Variants in MYOM2 observed in about 807,000 individuals in gnomAD.
The protein encoded by MYOM2 is myomesin 2.
A neutral mutation model predicts 187.6 loss-of-function variants in MYOM2; 254 were observed. The observed-to-expected ratio is 1.35, with a 90% CI of 1.22 to 1.50. MYOM2 has a LOEUF of 1.50. Ranked by LOEUF, MYOM2 falls within the 40% of genes most tolerant of loss-of-function variation. The pLI is 0.00. For synonymous variants in MYOM2, 981 were observed against 753.8 expected, an observed-to-expected ratio of 1.30 and a Z score of -4.94; for missense variants, 2,796 against 1,924.0, an observed-to-expected ratio of 1.45 and a Z score of -8.48.
At chr8:2,054,148 C>A (rs372161968) in intron 3 of MYOM2, among the ~76,000 whole-genome samples, 2 of 152,146 alleles carry the variant, frequency 1.3e-5, no homozygotes, top group South Asian at 4.1e-4. Flanking sequence ...GACCTCCCAA[C>A]GTGGATATTA....
intron 6 of MYOM2, among the ~76,000 whole-genome samples, chr8:2,066,432 G>A (rs1229653013): frequency 6.6e-6 from 1 of 152,190 alleles, no homozygotes; most frequent in Non-Finnish European, 1.5e-5. Flanking sequence ...TCTCTCATCT[G>A]CTGTGTTATT....
In MYOM2 at chr8:2,092,511, G is replaced by C. The variant is rs1796342191; in HGVS notation, c.1994G>C (p.Gly665Ala). 2 of 1,613,850 alleles carry C rather than the reference G, an allele frequency of 1.2e-6. No homozygotes were observed. The highest frequency in any genetic ancestry group is 1.7e-6 in the Non-Finnish European group (2 of 1,180,002). The change falls in exon 16 of 37, where the codon GGA becomes GCA. Residue 665 changes from glycine to alanine, a missense_variant. Physicochemically the swap from Gly to Ala is moderately conservative, Grantham distance 60. Transcript: ENST00000262113. ...LWEPCNHKPIGYNRFVVHGLT... is the reference protein window; with the variant it reads ...LWEPCNHKPIAYNRFVVHGLT... ...GAGCCCTGCAACCACAAGCCCATCG[G>C]ATACAACAGGTGCGGCCTCCCTCCC...
rs1350568544 is a variant in MYOM2 at position 2,078,907 on chromosome 8, A to T, written c.1436A>T (p.Asp479Val). ...GTCTCTGATGCGGTGGCTGCACTTG[A>T]CCCCTTGGACCTCAGAAGGTTACAA... is the stretch of plus-strand genomic sequence containing the variant. ...SRVSDAVAAL[D>V]PLDLRRLQAV... The change falls in exon 12 of 37, where the codon GAC (aspartate) becomes GTC (valine). Residue 479 changes from aspartate to valine, a missense_variant. Physicochemically the swap from Asp to Val is radical, Grantham distance 152. Transcript: ENST00000262113. 5.0e-6 allele frequency: 8 copies of T among 1,613,806 alleles called. No individual in the cohort carries two copies. The highest frequency in any genetic ancestry group is 4.0e-5 in the African/African-American group (3 of 74,904).
chr8:2,138,701 G>A (rs182101090), intron 32 of MYOM2, among the ~76,000 whole-genome samples: 15 of 152,298 alleles, frequency 9.8e-5, no homozygotes, highest in Non-Finnish European at 2.1e-4. Flanking sequence ...AGACAAATGT[G>A]TGTCAGTTAT....
At chr8:2,104,874 C>G (rs1191507026) in intron 21 of MYOM2, among the ~76,000 whole-genome samples, 1 of 152,200 alleles carries the variant, frequency 6.6e-6, no homozygotes, top group Non-Finnish European at 1.5e-5. Flanking sequence ...TAGCAAGAAT[C>G]TACCCAGTCT....
At chr8:2,097,167 T>A (rs2116758633) in intron 18 of MYOM2, 2 of 924,310 alleles carry the variant, frequency 2.2e-6, no homozygotes, top group East Asian at 1.2e-4. Context: ...GAAGATCTAA[T>A]CTTTGTCTAC....
At chr8:2,057,854 A>G in intron 5 of MYOM2, 74 bp downstream of exon 5, 17 of 1,527,972 alleles carry the variant, frequency 1.1e-5, no homozygotes, top group Non-Finnish European at 1.5e-5. Flanking sequence ...AGTTAAGGAG[A>G]CAAACGCCAT....
rs1819551582 is a variant in MYOM2 at position 2,079,582 on chromosome 8, G to A, written c.1485G>A (p.Lys495=). ...CAGCCGTTCATTTGGAGGGAGAGAA[G>A]GAGATTGCCATTTATCAGGATGACC... The part of the protein sequence containing the change: ...RLQAVHLEGE[K]EIAIYQDDLE... The change falls in exon 13 of 37, where the codon AAG becomes AAA. Residue 495 remains lysine, a synonymous_variant. Transcript: ENST00000262113. 3.1e-6 allele frequency: 5 copies of A among 1,614,162 alleles called. No homozygotes were observed. The East Asian group carries it at 1.1e-4, about 36-fold the overall frequency.
At chr8:2,052,671 C>G (rs1327831469) in intron 3 of MYOM2, among the ~76,000 whole-genome samples, 1 of 152,208 alleles carries the variant, frequency 6.6e-6, no homozygotes, top group Non-Finnish European at 1.5e-5. Flanking sequence ...CAGTCCCTTT[C>G]CAGACAGAGC....
At chr8:2,079,888 G>C (rs950431896) in intron 13 of MYOM2, among the ~76,000 whole-genome samples, 3 of 152,190 alleles carry the variant, frequency 2.0e-5, no homozygotes, top group Admixed American at 6.5e-5. Context: ...TTCTTTCAGG[G>C]ACTTGTAGAG....
intron 3 of MYOM2, among the ~76,000 whole-genome samples, chr8:2,056,053 A>C (rs1333767254): frequency 6.6e-6 from 1 of 152,190 alleles, no homozygotes; most frequent in Admixed American, 6.5e-5. Flanking sequence ...CTGAGTATTT[A>C]TGAGACATCT....
At chr8:2,101,076 T>G (rs890252553) in intron 20 of MYOM2, 22 bp downstream of exon 20, 4 of 1,612,200 alleles carry the variant, frequency 2.5e-6, no homozygotes, top group Non-Finnish European at 3.4e-6. Context: ...CCGGCTGTGG[T>G]GGCTCATGCC....
chr8:2,077,680 G>A (rs1018265441), intron 11 of MYOM2, among the ~76,000 whole-genome samples: 36 of 152,204 alleles, frequency 2.4e-4, no homozygotes, highest in African/African-American at 8.2e-4. Flanking sequence ...TTCCCGCCAT[G>A]TTGACAAAAA....
chr8:2,088,688 A>G (rs1055426966), intron 14 of MYOM2, among the ~76,000 whole-genome samples: 1 of 152,180 alleles, frequency 6.6e-6, no homozygotes, highest in Non-Finnish European at 1.5e-5. Flanking sequence ...GGTTGAGTCC[A>G]TGTCTTTACT....
chr8:2,103,620 G>T (rs751841176), intron 21 of MYOM2, among the ~76,000 whole-genome samples: 1 of 151,644 alleles, frequency 6.6e-6, no homozygotes, highest in Non-Finnish European at 1.5e-5. Flanking sequence ...AGAGGTGTAT[G>T]GATAAATGAG....
chr8:2,142,599 C>T (rs1012066692), intron 35 of MYOM2, among the ~76,000 whole-genome samples: 5 of 152,034 alleles, frequency 3.3e-5, no homozygotes, highest in African/African-American at 9.7e-5. Flanking sequence ...CGGCCTTAGC[C>T]CCGTCACCCC....
At position 2,127,337 on chromosome 8, in the gene MYOM2, C is replaced by T. The variant is rs542623502; in HGVS notation, c.3695-1790C>T. Among the ~76,000 whole-genome samples, 4 of 151,432 alleles carry T rather than the reference C, an allele frequency of 2.6e-5. No individual in the cohort carries two copies. In the South Asian group the frequency reaches 8.6e-4, roughly 33 times the overall value. On this transcript the variant is annotated intron_variant, in intron 31 of 36. Transcript: ENST00000262113. Reference sequence around the variant, plus strand: ...TTTCAATAACCCTCCTGTCTGCAGCCGGCCCAGATGCAGGGACCCTCCAAG... The same window carrying T: ...TTTCAATAACCCTCCTGTCTGCAGCTGGCCCAGATGCAGGGACCCTCCAAG...
At chr8:2,065,985 A>G (rs1035102540) in intron 6 of MYOM2, among the ~76,000 whole-genome samples, 3 of 152,178 alleles carry the variant, frequency 2.0e-5, no homozygotes, top group African/African-American at 7.2e-5. Flanking sequence ...ATGTTACTTA[A>G]CAGGCAGCAG....
chr8:2,144,244 A>G (rs1223751707), intron 36 of MYOM2, among the ~76,000 whole-genome samples: 2 of 151,356 alleles, frequency 1.3e-5, no homozygotes, highest in South Asian at 2.1e-4. Context: ...CCAATTTACC[A>G]GTTATAAAAC....
Sources: allele counts gnomAD v4.1 joint callset (sites outside exome capture counted in the v4.1 genomes callset), GRCh38; gene constraint gnomAD v4.1.1; transcripts MANE v1.5; gene names NCBI Gene and HGNC (gene_info 2026-07-23, HGNC 2026-07-21).